ZNF362: variants seen among roughly 807,000 people sequenced by gnomAD.
The protein encoded by ZNF362 is rotund homolog.
Under a neutral mutation model 42.9 loss-of-function variants are expected in ZNF362, and 11 were observed. The ratio of observed to expected loss-of-function variants is 0.26; its 90% CI spans 0.16 to 0.42. The LOEUF is 0.42. Among genes scored for constraint, ZNF362 ranks in the 20% least tolerant of loss-of-function variants. ZNF362 has a pLI of 1.00. For missense variants in ZNF362, 362 were observed against 576.2 expected (o/e 0.63, Z 3.81); for synonymous variants, 255 against 257.3 (o/e 0.99, Z 0.09).
chr1:33,224,611 A>G, the ZNF362 span, among the ~76,000 whole-genome samples: 1 of 152,250 alleles, frequency 6.6e-6, no homozygotes, highest in African/African-American at 2.4e-5. Flanking sequence ...GAAGAGACCT[A>G]TAATTGCAAG....
chr1:33,242,579 A>G, the ZNF362 span, among the ~76,000 whole-genome samples: 2 of 152,204 alleles, frequency 1.3e-5, no homozygotes, highest in African/African-American at 4.8e-5. Context: ...ACCCAGAAAA[A>G]GACAAAAACT....
chr1:33,274,813 C>T (rs1391134532), intron 2 of ZNF362: 1 of 415,816 alleles, frequency 2.4e-6, no homozygotes, highest in Non-Finnish European at 3.2e-6. Context: ...GACAGGTCTC[C>T]TCCTTCCCCT....
At chr1:33,274,911 C>A in intron 2 of ZNF362, 1 of 970,276 alleles carries the variant, frequency 1.0e-6, no homozygotes, top group South Asian at 4.8e-5. Context: ...AGAGATAATT[C>A]ATCTAAAATT....
At chr1:33,298,780 C>T in intron 8 of ZNF362, 150 bp from the exon 9 acceptor site, 1 of 692,680 alleles carries the variant, frequency 1.4e-6, no homozygotes, top group Non-Finnish European at 2.6e-6. Context: ...AACCAATGGC[C>T]GACGCCCATC....
rs193169656 is a variant in ZNF362, at chr1:33,290,253, C to T, written c.909-4684C>T. On this transcript the variant is annotated intron_variant, in intron 6 of 8. Transcript: ENST00000539719. ...AACAAGCCCCGGTGTGTGATGGTCC[C>T]CTTCCTGCATCGAAGTGTTTTCATT... is the stretch of plus-strand genomic sequence containing the variant. 9.2e-4 allele frequency among the ~76,000 whole-genome samples: 140 copies of T among 152,254 alleles called. 1 individual carries two copies. Among genetic ancestry groups the T allele is most frequent in the African/African-American group, 2.9e-3 (121 of 41,542 alleles).
the ZNF362 span, among the ~76,000 whole-genome samples, chr1:33,171,862 A>C: frequency 6.6e-6 from 1 of 152,058 alleles, no homozygotes; most frequent in Admixed American, 6.5e-5. Flanking sequence ...GCTCACTACA[A>C]CCTCTGCCTC....
chr1:33,181,296 C>T, the ZNF362 span: 5 of 1,553,226 alleles, frequency 3.2e-6, no homozygotes, highest in African/African-American at 1.4e-5. The surrounding 1 kb of genome is among the most constrained non-coding windows in gnomAD (Gnocchi z 6.5). Flanking sequence ...GTCGCGGGCG[C>T]CCTGCGCCTC....
chr1:33,269,602 T>C (rs957930199), intron 1 of ZNF362, among the ~76,000 whole-genome samples: 3 of 152,174 alleles, frequency 2.0e-5, no homozygotes, highest in African/African-American at 7.2e-5. Flanking sequence ...AGTGGTGTGA[T>C]CATGGCTCAC....
the ZNF362 span, among the ~76,000 whole-genome samples, chr1:33,140,773 G>C: frequency 1.3e-5 from 2 of 152,146 alleles, no homozygotes; most frequent in Admixed American, 6.5e-5. This position sits in a 1 kb window ranked among gnomAD's most constrained non-coding sequence, Gnocchi z 4.0. Context: ...AAGTGGCTCT[G>C]CCCTGGAGGT....
chr1:33,127,719 A>G, the ZNF362 span, among the ~76,000 whole-genome samples: 1 of 152,222 alleles, frequency 6.6e-6, no homozygotes, highest in African/African-American at 2.4e-5. Flanking sequence ...TCAACCATCA[A>G]TTTCATATGC....
the ZNF362 span, among the ~76,000 whole-genome samples, chr1:33,177,156 T>G: frequency 6.6e-6 from 1 of 152,126 alleles, no homozygotes; most frequent in African/African-American, 2.4e-5. This position sits in a 1 kb window ranked among gnomAD's most constrained non-coding sequence, Gnocchi z 4.1. Context: ...CACCCACAGG[T>G]TACATAAAAA....
intron 8 of ZNF362, 85 bp from the exon 9 acceptor site, chr1:33,298,845 C>T: frequency 8.4e-7 from 1 of 1,191,214 alleles, no homozygotes. Context: ...ACCAAGAGCC[C>T]TCCAGTGGCT....
chr1:33,167,228 C>T, the ZNF362 span, among the ~76,000 whole-genome samples: 1 of 152,220 alleles, frequency 6.6e-6, no homozygotes, highest in African/African-American at 2.4e-5. This position sits in a 1 kb window ranked among gnomAD's most constrained non-coding sequence, Gnocchi z 4.2. Context: ...TGTCACACAT[C>T]TGGATTCACG....
At chr1:33,218,408 G>A in the ZNF362 span, among the ~76,000 whole-genome samples, 1 of 152,130 alleles carries the variant, frequency 6.6e-6, no homozygotes, top group South Asian at 2.1e-4. Context: ...ACACACCACT[G>A]CACTCCAGCC....
At chr1:33,160,043 A>C in the ZNF362 span, 5 of 1,470,654 alleles carry the variant, frequency 3.4e-6, no homozygotes. Flanking sequence ...CAGAGAGGAA[A>C]GGGTGGGAAA....
At chr1:33,208,784 CTT>C in the ZNF362 span, among the ~76,000 whole-genome samples, 1,599 of 152,246 alleles carry the variant, frequency 0.011, 36 homozygotes, top group African/African-American at 0.036. Flanking sequence ...TATCCTGAGA[CTT>C]TGCTGAATTT....
the ZNF362 span, among the ~76,000 whole-genome samples, chr1:33,224,238 A>G: frequency 2.6e-5 from 4 of 152,296 alleles, no homozygotes; most frequent in East Asian, 7.7e-4. Context: ...TTCAACAGAG[A>G]ACTGGAAACT....
upstream of ZNF362, among the ~76,000 whole-genome samples, chr1:33,255,644 C>T (rs1645781797): frequency 6.6e-6 from 1 of 152,166 alleles, no homozygotes; most frequent in Non-Finnish European, 1.5e-5. Flanking sequence ...GGTGCCACCT[C>T]TGATAGACTC....
chr1:33,168,308 C>T, the ZNF362 span, among the ~76,000 whole-genome samples: 13 of 152,256 alleles, frequency 8.5e-5, no homozygotes, highest in African/African-American at 3.1e-4. Context: ...AGAAGGAGCC[C>T]GAGTCCCTGA....
Sources: gnomAD v4.1 joint callset for allele counts (sites outside exome capture counted in the v4.1 genomes callset) on GRCh38, gnomAD v4.1.1 for gene constraint, Gnocchi (gnomAD v3.1) non-coding constraint, MANE v1.5 for transcripts, NCBI Gene and HGNC (gene_info 2026-07-23, HGNC 2026-07-21) for gene names.